DIP2C: variants seen among roughly 807,000 people sequenced by gnomAD.
The protein encoded by DIP2C is disco-interacting protein 2 homolog C.
DIP2C carries 33 observed loss-of-function variants against 192.4 expected under a neutral mutation model. The ratio of observed to expected loss-of-function variants is 0.17; its 90% confidence interval spans 0.13 to 0.23. The LOEUF is 0.23. Ranked by LOEUF, DIP2C falls within the 10% of genes least tolerant of loss-of-function variation. The pLI, the probability that DIP2C is intolerant of heterozygous loss-of-function variation, is 1.00. For missense variants in DIP2C, 1,537 were observed against 2,110.1 expected, an observed-to-expected ratio of 0.73 and a Z score of 5.32; for synonymous variants, 979 against 864.1, an observed-to-expected ratio of 1.13 and a Z score of -2.33.
rs778167093 is a variant in DIP2C, at chr10:348,760, T to C, written c.3112A>G (p.Ile1038Val). The C allele has an allele frequency of 2.5e-6, 4 of 1,613,204 alleles. No individual in the cohort carries two copies. In the African/African-American group the frequency reaches 5.3e-5, roughly 22 times the overall value. The part of the protein sequence containing the change: ...DHVALVYPPG[I>V]DLIAAFYGCL... ...CCATAAAACGCTGCTATCAGGTCTATTCCTACACAAGGAGAGAAACATCAT... is the reference window on the plus strand; with the variant it reads ...CCATAAAACGCTGCTATCAGGTCTACTCCTACACAAGGAGAGAAACATCAT... Residue 1038 changes from isoleucine to valine, a missense_variant and splice_region_variant, in exon 26 of 37, where the codon ATA (isoleucine) becomes GTA (valine). Around this residue, in one of 4 missense-constraint regions of DIP2C, gnomAD observed 677 missense variants for 989.9 expected, o/e 0.68. Coordinates refer to ENST00000280886, the MANE Select transcript of DIP2C (RefSeq NM_014974.3).
In DIP2C at chr10:536,514, G is replaced by A. The variant is rs149611938; in HGVS notation, c.86-49984C>T. Among the ~76,000 whole-genome samples, 357 of 152,308 alleles carry A rather than the reference G, an allele frequency of 2.3e-3. 4 individuals are homozygous for A. Among genetic ancestry groups the A allele is most frequent in the African/African-American group, 7.9e-3 (327 of 41,576 alleles). Reference sequence around the variant, plus strand: ...ACATCACAGTCCCAGGGGGGCCAGCGTTGTATCTATCTGCAAAGACCTGCT... The same window carrying A: ...ACATCACAGTCCCAGGGGGGCCAGCATTGTATCTATCTGCAAAGACCTGCT... On this transcript the variant is annotated intron_variant, in intron 1 of 36. Transcript: ENST00000280886.
rs1790912066 is a variant in DIP2C at position 591,904 on chromosome 10, A to G, written c.85+97590T>C. 1.3e-5 allele frequency among the ~76,000 whole-genome samples: 2 copies of G among 152,248 alleles called. 1 individual carries two copies. The highest frequency in any genetic ancestry group is 4.1e-4 in the South Asian group (2 of 4,834). ...GGCGGCCTGAATGAGGCGACCAGGA[A>G]ATCACATTCCACAAACAGCAGAAAG... is the stretch of plus-strand genomic sequence containing the variant. On this transcript the variant is annotated intron_variant, in intron 1 of 36. Transcript: ENST00000280886.
rs182320781 is a variant in DIP2C at position 590,670 on chromosome 10, A to C, written c.85+98824T>G. On this transcript the variant is annotated intron_variant, in intron 1 of 36. Transcript: ENST00000280886. ...ATAGTCTGCTCCTACACAACACTATATCTCTACAAGTTAGACGGGTTTTTA... is the reference window on the plus strand; with the variant it reads ...ATAGTCTGCTCCTACACAACACTATCTCTCTACAAGTTAGACGGGTTTTTA... Among the ~76,000 whole-genome samples the C allele has an allele frequency of 9.1e-4, 138 of 152,350 alleles. 1 individual carries two copies. The highest frequency in any genetic ancestry group is 9.1e-3 in the East Asian group (47 of 5,190).
intron 32 of DIP2C, among the ~76,000 whole-genome samples, chr10:294,343 G>A (rs1050413142): frequency 6.6e-6 from 1 of 152,104 alleles, no homozygotes; most frequent in Non-Finnish European, 1.5e-5. Flanking sequence ...AATATGCTGG[G>A]TGCATGTAAC....
intron 1 of DIP2C, among the ~76,000 whole-genome samples, chr10:639,242 G>A (rs573272050): frequency 2.2e-4 from 31 of 142,390 alleles, no homozygotes; most frequent in African/African-American, 5.5e-4. Flanking sequence ...ATGGGGACGC[G>A]TCAGGTCGGG....
At chr10:428,833 A>G (rs188358098) in intron 4 of DIP2C, among the ~76,000 whole-genome samples, 1 of 151,900 alleles carries the variant, frequency 6.6e-6, no homozygotes, top group Admixed American at 6.6e-5. Flanking sequence ...CACTTTGGTT[A>G]ATTTCTTTTC....
At chr10:401,686 A>G (rs565048862) in intron 9 of DIP2C, among the ~76,000 whole-genome samples, 4 of 147,342 alleles carry the variant, frequency 2.7e-5, no homozygotes, top group South Asian at 4.4e-4. Context: ...TAGCATTAGC[A>G]TTACTCTTCC....
chr10:683,858 AT>A (rs1831220232), intron 1 of DIP2C, among the ~76,000 whole-genome samples: 1 of 152,250 alleles, frequency 6.6e-6, no homozygotes, highest in African/African-American at 2.4e-5. Flanking sequence ...GAGACGACCC[AT>A]TTGAAAGCAG....
chr10:570,563 C>G (rs1849728509), intron 1 of DIP2C, among the ~76,000 whole-genome samples: 1 of 152,190 alleles, frequency 6.6e-6, no homozygotes, highest in Non-Finnish European at 1.5e-5. Flanking sequence ...ACTTCAGTAC[C>G]TGCACCCAAC....
intron 1 of DIP2C, chr10:631,079 G>A (rs2131884112): frequency 6.6e-6 from 1 of 152,376 alleles, no homozygotes; most frequent in South Asian, 2.1e-4. Flanking sequence ...AACCCTGGAA[G>A]GGGGTCAGAT....
chr10:597,291 G>A (rs1588556231), intron 1 of DIP2C, among the ~76,000 whole-genome samples: 1 of 152,186 alleles, frequency 6.6e-6, no homozygotes, highest in South Asian at 2.1e-4. Flanking sequence ...CAGGTTGCAG[G>A]CAGTGGGTCC....
chr10:449,920 C>CAAAA (rs59135780), intron 3 of DIP2C, among the ~76,000 whole-genome samples: 21 of 135,906 alleles, frequency 1.5e-4, no homozygotes, highest in African/African-American at 5.7e-4. Context: ...TCAACAACAA[C>CAAAA]AAAAAAAAAA....
intron 6 of DIP2C, among the ~76,000 whole-genome samples, chr10:416,712 A>C (rs956140715): frequency 5.3e-5 from 8 of 152,180 alleles, no homozygotes; most frequent in Non-Finnish European, 8.8e-5. Flanking sequence ...AAGATAAATA[A>C]ATCAAATGAA....
intron 1 of DIP2C, among the ~76,000 whole-genome samples, chr10:489,392 G>A (rs1410768140): frequency 1.3e-5 from 2 of 152,236 alleles, no homozygotes; most frequent in Non-Finnish European, 2.9e-5. Flanking sequence ...GATGCATATA[G>A]ACAGACGACA....
intron 1 of DIP2C, among the ~76,000 whole-genome samples, chr10:553,839 G>C (rs539275704): frequency 6.6e-6 from 1 of 151,516 alleles, no homozygotes; most frequent in East Asian, 1.9e-4. Context: ...ATACCTCATA[G>C]GAAAAAACGT....
intron 31 of DIP2C, among the ~76,000 whole-genome samples, chr10:326,461 C>T (rs1957276140): frequency 1.3e-5 from 2 of 152,096 alleles, no homozygotes; most frequent in African/African-American, 4.8e-5. Context: ...AGAGGGAAGC[C>T]CTTATTCTTC....
chr10:453,771 C>T (rs767618001), intron 3 of DIP2C, among the ~76,000 whole-genome samples: 4 of 152,230 alleles, frequency 2.6e-5, no homozygotes, highest in African/African-American at 4.8e-5. Flanking sequence ...GCAAACACAG[C>T]ACAGGGGCTC....
intron 1 of DIP2C, among the ~76,000 whole-genome samples, chr10:549,962 C>A (rs958307786): frequency 7.9e-5 from 12 of 151,174 alleles, no homozygotes; most frequent in Non-Finnish European, 1.5e-4. Context: ...GGTCTACCTT[C>A]TGGAACCATG....
intron 5 of DIP2C, among the ~76,000 whole-genome samples, chr10:421,954 C>T (rs1376396607): frequency 2.0e-5 from 3 of 152,174 alleles, no homozygotes; most frequent in Non-Finnish European, 4.4e-5. Flanking sequence ...GTAAAGGAGT[C>T]AGTGATCTAG....
Sources: gnomAD v4.1 joint callset for allele counts (sites outside exome capture counted in the v4.1 genomes callset) on GRCh38, gnomAD v4.1.1 for gene constraint, gnomAD v4.1.1 regional missense constraint, MANE v1.5 for transcripts, NCBI Gene and HGNC (gene_info 2026-07-23, HGNC 2026-07-21) for gene names.